The following LIPA variants were observed in gnomAD, a reference collection of about 807,000 sequenced individuals.
LIPA encodes lipase A, lysosomal acid type, also known as lysosomal acid lipase/cholesteryl ester hydrolase.
A neutral mutation model predicts 40.6 loss-of-function variants in LIPA; 26 were observed. The observed-to-expected ratio is 0.64, with a 90% CI of 0.47 to 0.89. The LOEUF (loss-of-function observed/expected upper bound fraction) is 0.89, where lower values mean the gene tolerates loss of function less well. Among genes scored for constraint, LIPA ranks in the 40% least tolerant of loss-of-function variants. The pLI is 0.00. For synonymous variants in LIPA, 188 were observed against 168.4 expected (o/e 1.12, Z -0.90); for missense variants, 455 against 479.6 (o/e 0.95, Z 0.48).
At chr10:89,272,068 C>CT (rs1843268449) in intron 1 of LIPA, among the ~76,000 whole-genome samples, 1 of 147,450 alleles carries the variant, frequency 6.8e-6, no homozygotes, top group Non-Finnish European at 1.5e-5. Context: ...GAGACTCTGT[C>CT]TTAAAAAAAA....
At position 89,265,930 on chromosome 10, in the gene LIPA, A is replaced by T. The variant is rs527955928; in HGVS notation, c.-1-18281T>A. ...GGATTCAAAGCATTTTTGGGCCAAC[A>T]TGAAAAATTCCATTCTGACCTCATG... On this transcript the variant is annotated intron_variant, in intron 1 of 5. Coordinates refer to the LIPA transcript ENST00000282673. 5.8e-4 allele frequency among the ~76,000 whole-genome samples: 88 copies of T among 152,332 alleles called. No homozygotes were observed. The Middle Eastern group carries it at 0.02, about 35-fold the overall frequency.
chr10:89,327,416 T>C (rs1435555636), intron 1 of LIPA, among the ~76,000 whole-genome samples: 1 of 151,910 alleles, frequency 6.6e-6, no homozygotes, highest in African/African-American at 2.4e-5. Flanking sequence ...CCGGGCATGG[T>C]GGTGGGTGCC....
intron 2 of LIPA, among the ~76,000 whole-genome samples, chr10:89,348,619 C>T (rs771476774): frequency 7.4e-4 from 113 of 152,296 alleles, no homozygotes; most frequent in Non-Finnish European, 3.1e-4. Context: ...TCCCGCAGCT[C>T]ACGCTTAAGA....
chr10:89,333,790 C>T (rs1481450252), intron 1 of LIPA, among the ~76,000 whole-genome samples: 2 of 152,242 alleles, frequency 1.3e-5, no homozygotes, highest in African/African-American at 2.4e-5. Flanking sequence ...TTGCTGCTCA[C>T]AGTGTGGTCT....
intron 2 of LIPA, 85 bp downstream of exon 2, chr10:89,247,453 T>C: frequency 1.3e-6 from 1 of 748,016 alleles, no homozygotes; most frequent in Non-Finnish European, 2.4e-6. Flanking sequence ...AAGAGATGAA[T>C]GTATGGGTAT....
chr10:89,223,584 G>T, intron 7 of LIPA, 100 bp downstream of exon 7: 1 of 1,013,596 alleles, frequency 9.9e-7, no homozygotes, highest in Non-Finnish European at 1.6e-6. Context: ...ACTCTTTAGA[G>T]TTCTGATGAG....
Position 89,214,841 on chromosome 10 carries a change from C to T in LIPA, c.1187G>A (p.Arg396Lys). 1 of 1,590,108 alleles carries T rather than the reference C, an allele frequency of 6.3e-7. No homozygotes were observed. The highest frequency in any genetic ancestry group is 1.1e-5 in the South Asian group (1 of 90,494). Residue 396 changes from arginine (R) to lysine (K), a missense_variant, in exon 10 of 10, where the codon AGG becomes AAG. Physicochemically the swap from Arg to Lys is conservative, Grantham distance 26. Coordinates refer to ENST00000336233, the MANE Select transcript of LIPA (RefSeq NM_000235.4). Reference sequence around the variant, plus strand: ...CAAGTCCAGCTTTCACTGATATTTCCTCATTAGATTAATAATTTTATTATA... The same window carrying T: ...CAAGTCCAGCTTTCACTGATATTTCTTCATTAGATTAATAATTTTATTATA... ...RLYNKIINLM[R>K]KYQ
Position 89,354,724 on chromosome 10 carries a change from C to T in LIPA, c.61+58067G>A, listed in dbSNP as rs561437515. Among the ~76,000 whole-genome samples the T allele has an allele frequency of 5.8e-4, 88 of 152,268 alleles. No individual in the cohort carries two copies. The South Asian group carries it at 9.1e-3, about 16-fold the overall frequency. On this transcript the variant is annotated intron_variant, in intron 2 of 8. Coordinates refer to the LIPA transcript ENST00000371837. ...CTGGAATTACAGGCACCCACCACCA[C>T]GCCCTGCTAATTTTTGTATTTTTAG...
intron 1 of LIPA, chr10:89,307,123 C>T: frequency 6.2e-7 from 1 of 1,614,000 alleles, no homozygotes; most frequent in Non-Finnish European, 8.5e-7. Context: ...AGTGTGAAGA[C>T]AAGGCCATCC....
chr10:89,333,093 G>A (rs4339948), intron 1 of LIPA, among the ~76,000 whole-genome samples: 40,494 of 152,100 alleles, frequency 0.27, 5,711 homozygotes, highest in African/African-American at 0.32. Context: ...TCCAATTTAT[G>A]TTGAGGTCAC....
intron 1 of LIPA, among the ~76,000 whole-genome samples, chr10:89,319,019 A>T (rs1407188242): frequency 6.6e-6 from 1 of 152,254 alleles, no homozygotes; most frequent in African/African-American, 2.4e-5. Flanking sequence ...AACCAATGAG[A>T]ACAAAGACAC....
At chr10:89,412,519 G>A (rs540757907) in intron 2 of LIPA, 33 of 176,702 alleles carry the variant, frequency 1.9e-4, no homozygotes, top group Non-Finnish European at 2.6e-4. Flanking sequence ...AGCCAGCAGC[G>A]GCAACCTGCT....
chr10:89,222,944 C>T (rs1184682902), intron 7 of LIPA, among the ~76,000 whole-genome samples: 1 of 152,076 alleles, frequency 6.6e-6, no homozygotes, highest in Admixed American at 6.5e-5. Flanking sequence ...TTCCTTAGGG[C>T]CTTTATTCCA....
chr10:89,247,740 C>T (rs1282349617), intron 1 of LIPA, 91 bp from the exon 2 acceptor site: 1 of 903,874 alleles, frequency 1.1e-6, no homozygotes, highest in Non-Finnish European at 1.8e-6. Flanking sequence ...AAGTTCTGAA[C>T]CAGATTTAGG....
At chr10:89,235,146 AG>A (rs1842889063) in intron 3 of LIPA, among the ~76,000 whole-genome samples, 1 of 152,220 alleles carries the variant, frequency 6.6e-6, no homozygotes, top group Non-Finnish European at 1.5e-5. Context: ...TAGTAGATGG[AG>A]GGGGATAGGG....
chr10:89,254,680 G>A (rs781044814), upstream of LIPA, among the ~76,000 whole-genome samples: 1 of 152,086 alleles, frequency 6.6e-6, no homozygotes, highest in Admixed American at 6.6e-5. Flanking sequence ...CTTTTCTATC[G>A]TATTGTCAGA....
chr10:89,412,690 G>C, intron 2 of LIPA: 2 of 416,582 alleles, frequency 4.8e-6, no homozygotes, highest in Non-Finnish European at 9.5e-6. Context: ...GAACCCACCG[G>C]GAGGAACGAA....
chr10:89,378,072 ACCTTGAAGGAGCCT>A lies in LIPA; in HGVS notation c.61+34705_61+34718del, dbSNP rs200301904. On this transcript the variant is annotated intron_variant, in intron 2 of 8. Coordinates refer to the LIPA transcript ENST00000371837. ...AGAAGCCCTAGAACTCTGTGGATGAACCTTGAAGGAGCCTCCAAGCCTGAACCAAAGCACTACAG... is the reference window on the plus strand; with the variant it reads ...AGAAGCCCTAGAACTCTGTGGATGAACCAAGCCTGAACCAAAGCACTACAG... 1,710 of 1,584,162 alleles carry A rather than the reference ACCTTGAAGGAGCCT, an allele frequency of 1.1e-3. 35 individuals carry two copies. In the East Asian group the frequency reaches 0.028, roughly 26 times the overall value.
chr10:89,287,868 C>T (rs1208575554), intron 1 of LIPA, among the ~76,000 whole-genome samples: 1 of 152,190 alleles, frequency 6.6e-6, no homozygotes, highest in African/African-American at 2.4e-5. Flanking sequence ...TGCCTATCCA[C>T]CCTGTAGTGC....
Sources: allele counts gnomAD v4.1 joint callset (sites outside exome capture counted in the v4.1 genomes callset), GRCh38; gene constraint gnomAD v4.1.1; transcripts MANE v1.5; gene names NCBI Gene and HGNC (gene_info 2026-07-23, HGNC 2026-07-21).